Variants in SERTM1 observed in about 807,000 individuals in gnomAD.
SERTM1 encodes serine-rich and transmembrane domain-containing protein 1.
Under a neutral mutation model 5.5 loss-of-function variants are expected in SERTM1, and 1 was observed. The ratio of observed to expected loss-of-function variants is 0.18; its 90% CI spans 0.06 to 0.86. The LOEUF (loss-of-function observed/expected upper bound fraction) is 0.86, where lower values mean the gene tolerates loss of function less well. Ranked by LOEUF, SERTM1 falls within the 40% of genes least tolerant of loss-of-function variation. The pLI is 0.69. For missense variants in SERTM1, 91 were observed against 122.4 expected (o/e 0.74, Z 1.21); for synonymous variants, 52 against 55.1 (o/e 0.94, Z 0.25).
chr13:36,674,304 C>G (rs2056656267), intron 1 of SERTM1, 120 bp downstream of exon 1: 1 of 112,848 alleles, frequency 8.9e-6, no homozygotes. Flanking sequence ...CTCCCAGACT[C>G]TCCCCCGAGA....
At chr13:36,682,435 G>A (rs2056710869) in intron 1 of SERTM1, among the ~76,000 whole-genome samples, 1 of 152,206 alleles carries the variant, frequency 6.6e-6, no homozygotes, top group South Asian at 2.1e-4. Flanking sequence ...AGAATGCAGA[G>A]GAGGGAGCCA....
chr13:36,695,276 C>T lies in SERTM1; in HGVS notation c.198C>T (p.Leu66=), dbSNP rs1279938346. The T allele has an allele frequency of 1.2e-6, 2 of 1,614,082 alleles. No individual in the cohort carries two copies. The highest frequency in any genetic ancestry group is 8.5e-7 in the Non-Finnish European group (1 of 1,179,960). ...TTTTAATCATTGCCCTCCAGAGGCT[C>T]AAAAATATCATCTCCTCCAGTTCCT... ...LLLLIIALQR[L]KNIISSSSSY... is the part of the protein sequence containing the mutation. The change falls in exon 2 of 2, where the codon CTC becomes CTT. Residue 66 remains leucine, a synonymous_variant. Coordinates refer to ENST00000315190, the MANE Select transcript of SERTM1 (RefSeq NM_203451.3).
In SERTM1 at chr13:36,675,329, G is replaced by A. The variant is rs7334048; in HGVS notation, c.-174+1145G>A. Among the ~76,000 whole-genome samples the A allele has an allele frequency of 8.6e-3, 1,316 of 152,308 alleles. 21 individuals are homozygous for A. Among genetic ancestry groups the A allele is most frequent in the African/African-American group, 0.03 (1,242 of 41,560 alleles). The stretch of plus-strand genomic sequence containing the variant: ...TGCAAAGGGCGGGGAAACTGACAGC[G>A]TTACTGTCCTGGGGCGGACCCGCGG... On this transcript the variant is annotated intron_variant, in intron 1 of 1. Coordinates refer to ENST00000315190, the MANE Select transcript of SERTM1 (RefSeq NM_203451.3).
chr13:36,676,916 G>A (rs2056673300), intron 1 of SERTM1, among the ~76,000 whole-genome samples: 1 of 152,212 alleles, frequency 6.6e-6, no homozygotes, highest in African/African-American at 2.4e-5. Flanking sequence ...GCCAACATGT[G>A]TGCCTAGAGG....
intron 1 of SERTM1, among the ~76,000 whole-genome samples, chr13:36,675,847 G>A (rs1219487164): frequency 6.6e-6 from 1 of 152,172 alleles, no homozygotes; most frequent in Non-Finnish European, 1.5e-5. Context: ...TGGAAATATT[G>A]AGATCCAGCA....
intron 1 of SERTM1, among the ~76,000 whole-genome samples, chr13:36,675,355 G>T (rs2056663159): frequency 6.6e-6 from 1 of 152,144 alleles, no homozygotes; most frequent in African/African-American, 2.4e-5. Flanking sequence ...GGACCCGCGG[G>T]ACTACTCCCT....
At position 36,694,901 on chromosome 13, in the gene SERTM1, T is replaced by G. The variant is rs2056802715; in HGVS notation, c.-173-5T>G. On this transcript the variant is annotated splice_polypyrimidine_tract_variant and splice_region_variant and intron_variant, in intron 1 of 1. Transcript: ENST00000315190. ...AGAATGCACTGACTTGCTTTTTTTT[T>G]TCAGTCTCAATGCACATCTGATACC... 3.6e-6 allele frequency: 2 copies of G among 556,974 alleles called. No individual in the cohort carries two copies. The highest frequency in any genetic ancestry group is 1.9e-5 in the African/African-American group (1 of 52,594). 34.5% of individuals were successfully genotyped at this position (556,974 alleles called of 1,614,324 possible). A position where few individuals can be genotyped will look rare whatever the true frequency, so the allele number is the denominator to read the frequency against.
intron 1 of SERTM1, among the ~76,000 whole-genome samples, chr13:36,675,153 T>G (rs2056661804): frequency 6.6e-6 from 1 of 152,180 alleles, no homozygotes; most frequent in South Asian, 2.1e-4. Flanking sequence ...GGTCTGTTTG[T>G]TAGTGTCCTT....
At position 36,695,545 on chromosome 13, in the gene SERTM1, G is replaced by A; in HGVS notation, c.*143G>A. The A allele has an allele frequency of 1.5e-6, 1 of 664,274 alleles. No homozygotes were observed. The highest frequency in any genetic ancestry group is 2.7e-5 in the East Asian group (1 of 36,756). 41.1% of individuals were successfully genotyped at this position (664,274 alleles called of 1,614,324 possible). On this transcript the variant is annotated 3_prime_UTR_variant, in exon 2 of 2. Coordinates refer to ENST00000315190, the MANE Select transcript of SERTM1 (RefSeq NM_203451.3). Reference sequence around the variant, plus strand: ...CTCCTTTTTCTCTGATTTCTTTTCTGTTCATGATGCTTTTCATTTGGGGAT... The same window carrying A: ...CTCCTTTTTCTCTGATTTCTTTTCTATTCATGATGCTTTTCATTTGGGGAT...
chr13:36,674,240 G>T (rs1297710459), intron 1 of SERTM1, 56 bp downstream of exon 1: 5 of 152,128 alleles, frequency 3.3e-5, no homozygotes, highest in Non-Finnish European at 5.9e-5. Flanking sequence ...TGCCCTACGC[G>T]GAGAGCGCCC....
In SERTM1 at chr13:36,679,944, AT is replaced by A. The variant is rs1224418609; in HGVS notation, c.-174+5761del. ...ACAACTTTGTTTCATGCAAAAAAAA[AT>A]ATTAAACATATTGTATAAAATTACC... On this transcript the variant is annotated intron_variant, in intron 1 of 1. Transcript: ENST00000315190. Among the ~76,000 whole-genome samples the A allele has an allele frequency of 1.4e-4, 21 of 152,350 alleles. No individual in the cohort carries two copies. The East Asian group carries it at 3.1e-3, about 22-fold the overall frequency.
Position 36,695,693 on chromosome 13 carries a change from C to T in SERTM1, c.*291C>T, listed in dbSNP as rs556654988. The T allele has an allele frequency of 2.1e-4, 94 of 440,214 alleles. No homozygotes were observed. The highest frequency in any genetic ancestry group is 2.1e-4 in the Non-Finnish European group (51 of 238,642). The allele number at this position is 440,214 out of a possible 1,614,324, so 27.3% of individuals were successfully genotyped here. On this transcript the variant is annotated 3_prime_UTR_variant, in exon 2 of 2. Coordinates refer to ENST00000315190, the MANE Select transcript of SERTM1 (RefSeq NM_203451.3). The stretch of plus-strand genomic sequence containing the variant: ...CAGTTCATTCTACTTTGTTGGACGC[C>T]GTAGGCTCATCTGAGGTGGCCTCTC...
intron 1 of SERTM1, among the ~76,000 whole-genome samples, chr13:36,680,901 A>G (rs1237130785): frequency 6.6e-6 from 1 of 152,218 alleles, no homozygotes; most frequent in Non-Finnish European, 1.5e-5. Flanking sequence ...TAGAGGGACT[A>G]TAAAGGAAAA....
chr13:36,674,903 C>A (rs1293725076), intron 1 of SERTM1, among the ~76,000 whole-genome samples: 1 of 152,104 alleles, frequency 6.6e-6, no homozygotes, highest in Non-Finnish European at 1.5e-5. Context: ...CCCCTCTTCC[C>A]GGGTCTGATG....
chr13:36,688,484 A>G (rs573109030), intron 1 of SERTM1, among the ~76,000 whole-genome samples: 11 of 152,186 alleles, frequency 7.2e-5, no homozygotes, highest in Admixed American at 2.6e-4. Flanking sequence ...AAGTGCTGGG[A>G]TTACAGGCAT....
At chr13:36,692,280 G>T (rs1313345267) in intron 1 of SERTM1, among the ~76,000 whole-genome samples, 1 of 152,176 alleles carries the variant, frequency 6.6e-6, no homozygotes, top group Non-Finnish European at 1.5e-5. Context: ...GCTCATGGTG[G>T]GGTTTTGGTC....
At chr13:36,683,245 A>G (rs2056717706) in intron 1 of SERTM1, among the ~76,000 whole-genome samples, 1 of 152,232 alleles carries the variant, frequency 6.6e-6, no homozygotes, top group Non-Finnish European at 1.5e-5. Flanking sequence ...TGGCACTACC[A>G]GTAGCTAAAT....
chr13:36,692,476 G>A (rs533507326), intron 1 of SERTM1, among the ~76,000 whole-genome samples: 7 of 152,324 alleles, frequency 4.6e-5, no homozygotes, highest in Admixed American at 2.6e-4. Context: ...AGCAGAGAAG[G>A]TAGCTTTAGA....
intron 1 of SERTM1, among the ~76,000 whole-genome samples, chr13:36,689,735 T>C (rs35970371): frequency 6.6e-6 from 1 of 151,630 alleles, no homozygotes; most frequent in African/African-American, 2.4e-5. Context: ...AGATATATTG[T>C]GAATATTCTG....
Sources: gnomAD v4.1 joint callset for allele counts (sites outside exome capture counted in the v4.1 genomes callset) on GRCh38, gnomAD v4.1.1 for gene constraint, MANE v1.5 for transcripts, NCBI Gene and HGNC (gene_info 2026-07-23, HGNC 2026-07-21) for gene names.